Variants in RPRD1A observed in about 807,000 individuals in gnomAD.
RPRD1A encodes the protein regulation of nuclear pre-mRNA domain-containing protein 1A.
A neutral mutation model predicts 37.8 loss-of-function variants in RPRD1A; 9 were observed. That is an observed-to-expected ratio of 0.24 (90% CI 0.14 to 0.42). RPRD1A has a LOEUF of 0.42. Ranked by LOEUF, RPRD1A falls within the 10% of genes least tolerant of loss-of-function variation. The pLI, the probability that RPRD1A is intolerant of heterozygous loss-of-function variation, is 1.00. For missense variants in RPRD1A, 255 were observed against 371.0 expected (o/e 0.69, Z 2.57); for synonymous variants, 138 against 139.7 (o/e 0.99, Z 0.08).
Position 36,056,969 on chromosome 18 carries a change from C to T in RPRD1A, c.151+10285G>A, listed in dbSNP as rs943492365. Among the ~76,000 whole-genome samples, 7 of 143,620 alleles carry T rather than the reference C, an allele frequency of 4.9e-5. No individual in the cohort carries two copies. The South Asian group carries it at 1.3e-3, about 27-fold the overall frequency. 94.2% of individuals were successfully genotyped at this position (143,620 alleles called of 152,430 possible). On this transcript the variant is annotated intron_variant, in intron 1 of 6. Transcript: ENST00000399022. ...GATGCTGACATCTATAATCCCAGCA[C>T]GTTGGGAGGCCAAGACAGGAGGATC...
chr18:36,056,442 C>T lies in RPRD1A; in HGVS notation c.151+10812G>A, dbSNP rs534812274. ...AGCTGGGATTACAGGTGCCTGCCAC[C>T]ACACCCAGCTAAATTTTGTATTTTT... is the stretch of plus-strand genomic sequence containing the variant. On this transcript the variant is annotated intron_variant, in intron 1 of 6. Transcript: ENST00000399022. 2.0e-5 allele frequency among the ~76,000 whole-genome samples: 3 copies of T among 152,144 alleles called. No homozygotes were observed. In the South Asian group the frequency reaches 6.2e-4, roughly 32 times the overall value.
At chr18:35,994,723 A>G (rs568236948) in intron 6 of RPRD1A, among the ~76,000 whole-genome samples, 26 of 152,310 alleles carry the variant, frequency 1.7e-4, no homozygotes, top group African/African-American at 6.3e-4. Flanking sequence ...TAACTGACAA[A>G]TTCTAGCTAA....
intron 6 of RPRD1A, among the ~76,000 whole-genome samples, chr18:35,994,593 G>A (rs929100656): frequency 1.3e-5 from 2 of 152,148 alleles, no homozygotes; most frequent in African/African-American, 4.8e-5. Flanking sequence ...AAACTCCTTT[G>A]GAGAAGGATA....
intron 6 of RPRD1A, among the ~76,000 whole-genome samples, chr18:36,019,503 G>A (rs1458237041): frequency 6.6e-6 from 1 of 152,154 alleles, no homozygotes; most frequent in Non-Finnish European, 1.5e-5. Context: ...GGGAGCAGAA[G>A]ATCATCTTAT....
intron 1 of RPRD1A, among the ~76,000 whole-genome samples, chr18:36,059,223 C>T (rs540863585): frequency 3.9e-4 from 59 of 152,170 alleles, no homozygotes; most frequent in African/African-American, 1.3e-3. Flanking sequence ...CTGCAACCTC[C>T]GCTTCCCGGG....
At chr18:36,008,569 T>TATATATATATATA (rs1555670660) in intron 6 of RPRD1A, among the ~76,000 whole-genome samples, 611 of 56,068 alleles carry the variant, frequency 0.011, 21 homozygotes, top group Middle Eastern at 0.015. Flanking sequence ...CAGCAAGACC[T>TATATATATATATA]TGTGTGTGTA....
chr18:36,017,843 C>G (rs1421833077), intron 6 of RPRD1A, among the ~76,000 whole-genome samples: 1 of 152,210 alleles, frequency 6.6e-6, no homozygotes, highest in African/African-American at 2.4e-5. Context: ...CTGGTTTCAT[C>G]TGTAGCTCCC....
At chr18:35,997,433 C>A (rs953361621) in intron 6 of RPRD1A, among the ~76,000 whole-genome samples, 1 of 152,160 alleles carries the variant, frequency 6.6e-6, no homozygotes, top group Non-Finnish European at 1.5e-5. Context: ...AATGGTTAAA[C>A]CTTTCACACA....
At chr18:36,030,336 A>G (rs975186533) in intron 4 of RPRD1A, among the ~76,000 whole-genome samples, 1 of 151,510 alleles carries the variant, frequency 6.6e-6, no homozygotes, top group Non-Finnish European at 1.5e-5. Context: ...CACAAAAATT[A>G]GCTGGGCTTG....
At chr18:36,052,658 A>G (rs1039881794) in intron 1 of RPRD1A, among the ~76,000 whole-genome samples, 1 of 152,104 alleles carries the variant, frequency 6.6e-6, no homozygotes, top group Non-Finnish European at 1.5e-5. Flanking sequence ...GAGTGCAATC[A>G]CACGATCTCA....
intron 1 of RPRD1A, among the ~76,000 whole-genome samples, chr18:36,044,381 C>T (rs1310251380): frequency 6.6e-6 from 1 of 152,180 alleles, no homozygotes; most frequent in African/African-American, 2.4e-5. Context: ...CCCTAAAAAA[C>T]ATTTCATTAA....
At chr18:36,033,164 T>C (rs940909330) in intron 2 of RPRD1A, among the ~76,000 whole-genome samples, 1 of 151,934 alleles carries the variant, frequency 6.6e-6, no homozygotes, top group African/African-American at 2.4e-5. Context: ...TAGCCAGGCA[T>C]GGTGGCAGGC....
chr18:36,019,175 T>G (rs1225099878), intron 6 of RPRD1A, among the ~76,000 whole-genome samples: 1 of 150,310 alleles, frequency 6.7e-6, no homozygotes, highest in African/African-American at 2.5e-5. Context: ...TGGCGTGATC[T>G]TGGCTCACTG....
At chr18:36,066,114 T>C (rs988192980) in intron 1 of RPRD1A, among the ~76,000 whole-genome samples, 1 of 152,236 alleles carries the variant, frequency 6.6e-6, no homozygotes, top group East Asian at 1.9e-4. Flanking sequence ...TCACAGAAGA[T>C]GAATTCCTCA....
At chr18:35,996,145 C>T (rs1228752438) in intron 6 of RPRD1A, among the ~76,000 whole-genome samples, 11 of 152,262 alleles carry the variant, frequency 7.2e-5, no homozygotes, top group Non-Finnish European at 1.3e-4. Context: ...CTACTTATGA[C>T]AAATGTATCA....
chr18:36,065,420 C>T (rs2089010107), intron 1 of RPRD1A, among the ~76,000 whole-genome samples: 1 of 152,152 alleles, frequency 6.6e-6, no homozygotes, highest in Non-Finnish European at 1.5e-5. Flanking sequence ...ATTAATATCA[C>T]AATTTATTTG....
intron 6 of RPRD1A, among the ~76,000 whole-genome samples, chr18:36,003,546 T>C (rs1206275968): frequency 6.6e-6 from 1 of 152,236 alleles, no homozygotes; most frequent in Non-Finnish European, 1.5e-5. Flanking sequence ...TCAAGTATAT[T>C]ACTCGACAGA....
chr18:36,033,162 C>T (rs1275968501), intron 2 of RPRD1A, among the ~76,000 whole-genome samples: 3 of 151,772 alleles, frequency 2.0e-5, no homozygotes, highest in Non-Finnish European at 2.9e-5. Context: ...ATTAGCCAGG[C>T]ATGGTGGCAG....
At chr18:36,013,549 G>GA in intron 6 of RPRD1A, among the ~76,000 whole-genome samples, 1 of 151,996 alleles carries the variant, frequency 6.6e-6, no homozygotes, top group East Asian at 1.9e-4. Context: ...TAGGATAAAG[G>GA]AAAAAAATAC....
Sources: gnomAD v4.1 joint callset for allele counts (sites outside exome capture counted in the v4.1 genomes callset) on GRCh38, gnomAD v4.1.1 for gene constraint, MANE v1.5 for transcripts, NCBI Gene and HGNC (gene_info 2026-07-23, HGNC 2026-07-21) for gene names.